The following SPNS3 variants were observed in gnomAD, a reference collection of about 807,000 sequenced individuals.
SPNS3 encodes the protein protein spinster homolog 3.
Under a neutral mutation model 54.4 loss-of-function variants are expected in SPNS3, and 51 were observed. That is an observed-to-expected ratio of 0.94 (90% CI 0.75 to 1.18). The LOEUF is 1.18. SPNS3 is among the 50% of genes most tolerant of loss of function. The pLI, the probability that SPNS3 is intolerant of heterozygous loss-of-function variation, is 0.00. For synonymous variants in SPNS3, 309 were observed against 294.7 expected (o/e 1.05, Z -0.50); for missense variants, 669 against 677.4 (o/e 0.99, Z 0.14).
At chr17:4,451,196 G>T (rs1280244674) in intron 7 of SPNS3, among the ~76,000 whole-genome samples, 1 of 151,826 alleles carries the variant, frequency 6.6e-6, no homozygotes, top group East Asian at 1.9e-4. Context: ...GCCAGACCTC[G>T]CACAGCTTGG....
At chr17:4,449,045 G>A (rs1443715187) in intron 6 of SPNS3, among the ~76,000 whole-genome samples, 190 bp from the exon 7 acceptor site, 1 of 152,170 alleles carries the variant, frequency 6.6e-6, no homozygotes, top group Non-Finnish European at 1.5e-5. Flanking sequence ...GGGGTAACCT[G>A]AGTGTCTTCT....
chr17:4,468,772 T>TC (rs58892799), intron 8 of SPNS3, among the ~76,000 whole-genome samples: 4,178 of 68,710 alleles, frequency 0.061, 174 homozygotes, highest in African/African-American at 0.16. Flanking sequence ...TCTCTTTCTT[T>TC]TTCTTTCTTT....
intron 8 of SPNS3, among the ~76,000 whole-genome samples, chr17:4,476,065 C>G (rs1971988385): frequency 6.6e-6 from 1 of 152,226 alleles, no homozygotes; most frequent in Non-Finnish European, 1.5e-5. Context: ...CAGGGTGGGG[C>G]TGCGCCCGTC....
At chr17:4,456,586 C>T (rs979500440) in intron 8 of SPNS3, among the ~76,000 whole-genome samples, 1 of 151,970 alleles carries the variant, frequency 6.6e-6, no homozygotes, top group Non-Finnish European at 1.5e-5. Context: ...AGTACAGTGG[C>T]ACGATCTAGA....
intron 8 of SPNS3, among the ~76,000 whole-genome samples, chr17:4,457,991 C>T (rs1971359432): frequency 6.6e-6 from 1 of 152,140 alleles, no homozygotes; most frequent in East Asian, 1.9e-4. Context: ...AACTCTAACC[C>T]TCAGAGGTGA....
chr17:4,448,050 A>G, intron 5 of SPNS3, 105 bp from the exon 6 acceptor site: 1 of 1,184,212 alleles, frequency 8.4e-7, no homozygotes. Context: ...AGGGCTTGGA[A>G]ACCAGAGGTC....
rs748490625 is a variant in SPNS3 at position 4,486,349 on chromosome 17, G to C, written c.1278+23G>C. 1.1e-5 allele frequency: 17 copies of C among 1,600,076 alleles called. No individual in the cohort carries two copies. The Admixed American group carries it at 2.1e-4, about 20-fold the overall frequency. On this transcript the variant is annotated intron_variant, in intron 10 of 11. Transcript: ENST00000355530. This position sits in a 1 kb window ranked among gnomAD's most constrained non-coding sequence, Gnocchi z 5.5. ...CTTGTAAGACGTGTCTGCGTGTGTG[G>C]GGTGGGGAGGGTCTGGGGGCCAGGC... is the stretch of plus-strand genomic sequence containing the variant.
At chr17:4,467,751 T>A (rs1971721995) in intron 8 of SPNS3, among the ~76,000 whole-genome samples, 1 of 152,006 alleles carries the variant, frequency 6.6e-6, no homozygotes, top group African/African-American at 2.4e-5. Flanking sequence ...CTGCAACCTC[T>A]GCCTGCTGAA....
intron 8 of SPNS3, among the ~76,000 whole-genome samples, chr17:4,465,682 G>C (rs763823369): frequency 7.9e-5 from 12 of 152,072 alleles, no homozygotes; most frequent in East Asian, 1.9e-4. Flanking sequence ...AGGTGGGATC[G>C]CCACCAATGT....
At chr17:4,478,675 G>T in intron 9 of SPNS3, 38 bp downstream of exon 9, 1 of 1,562,846 alleles carries the variant, frequency 6.4e-7, no homozygotes, top group Non-Finnish European at 8.7e-7. Flanking sequence ...TGAGCAGGGG[G>T]AGCTGGAGAG....
intron 1 of SPNS3, among the ~76,000 whole-genome samples, chr17:4,437,561 G>C (rs746391005): frequency 4.6e-5 from 7 of 151,836 alleles, no homozygotes; most frequent in Middle Eastern, 3.4e-3. Context: ...CAGCTACTTG[G>C]GAGGCCGAGG....
intron 1 of SPNS3, among the ~76,000 whole-genome samples, chr17:4,435,825 G>A (rs998990391): frequency 6.6e-5 from 10 of 152,158 alleles, no homozygotes; most frequent in African/African-American, 1.9e-4. Flanking sequence ...CCAGCTACTC[G>A]GGAGGCTGAG....
In SPNS3 at chr17:4,449,253, G is replaced by A. The variant is rs144196766; in HGVS notation, c.789G>A (p.Ser263=). The stretch of plus-strand genomic sequence containing the variant: ...CTTGCAGCTGGAGTTTCGTGTGGTC[G>A]ACCCTCGGAGTGACCGCCATGGCCT... ...YLGKNWSFVW[S]TLGVTAMAFV... The change falls in exon 7 of 12, where the codon TCG becomes TCA. Residue 263 remains serine (S), a synonymous_variant. Coordinates refer to ENST00000355530, the MANE Select transcript of SPNS3 (RefSeq NM_182538.5). The A allele has an allele frequency of 5.0e-5, 80 of 1,610,690 alleles. No homozygotes were observed. In the African/African-American group the frequency reaches 7.3e-4, roughly 15 times the overall value.
intron 2 of SPNS3, 52 bp downstream of exon 2, chr17:4,439,775 G>A (rs765103567): frequency 1.3e-6 from 2 of 1,534,328 alleles, no homozygotes; most frequent in Non-Finnish European, 1.8e-6. Context: ...ATGCTGGGGT[G>A]GGCTCTTTCT....
At chr17:4,477,441 A>C (rs1972031701) in intron 8 of SPNS3, among the ~76,000 whole-genome samples, 1 of 152,186 alleles carries the variant, frequency 6.6e-6, no homozygotes, top group Non-Finnish European at 1.5e-5. Context: ...AGGAATGACT[A>C]ATTCCACCCC....
At chr17:4,475,436 C>T (rs561852126) in intron 8 of SPNS3, among the ~76,000 whole-genome samples, 99 of 152,254 alleles carry the variant, frequency 6.5e-4, no homozygotes, top group African/African-American at 2.3e-3. Context: ...GAGGCAGATT[C>T]GAGGAACGTG....
At chr17:4,454,337 C>T (rs1971246321) in intron 8 of SPNS3, among the ~76,000 whole-genome samples, 1 of 152,270 alleles carries the variant, frequency 6.6e-6, no homozygotes. Flanking sequence ...AGCCCAGCCA[C>T]AAGCAGAGGG....
chr17:4,484,593 T>C (rs1247350584), intron 9 of SPNS3, among the ~76,000 whole-genome samples: 1 of 152,202 alleles, frequency 6.6e-6, no homozygotes, highest in African/African-American at 2.4e-5. Flanking sequence ...AGTGCTGGGA[T>C]TACAGGTGTG....
At chr17:4,485,636 T>G (rs969532430) in intron 9 of SPNS3, among the ~76,000 whole-genome samples, 12 of 152,174 alleles carry the variant, frequency 7.9e-5, no homozygotes, top group African/African-American at 2.4e-4. Flanking sequence ...CCTCGGGTGA[T>G]CCACCCGCCT....
Sources: gnomAD v4.1 joint callset for allele counts (sites outside exome capture counted in the v4.1 genomes callset) on GRCh38, gnomAD v4.1.1 for gene constraint, Gnocchi (gnomAD v3.1) non-coding constraint, MANE v1.5 for transcripts, NCBI Gene and HGNC (gene_info 2026-07-23, HGNC 2026-07-21) for gene names.